Variants in TRHDE observed in about 807,000 individuals in gnomAD.
The protein encoded by TRHDE is thyrotropin releasing hormone degrading enzyme, also known as thyrotropin-releasing hormone-degrading ectoenzyme.
Under a neutral mutation model 125.7 loss-of-function variants are expected in TRHDE, and 72 were observed. The observed-to-expected ratio is 0.57, with a 90% CI of 0.47 to 0.70. TRHDE has a LOEUF of 0.70. Ranked by LOEUF, TRHDE falls within the 30% of genes least tolerant of loss-of-function variation. The pLI is 0.00. For synonymous variants in TRHDE, 509 were observed against 509.1 expected, an observed-to-expected ratio of 1.00 and a Z score of 0.00; for missense variants, 1,110 against 1,327.1, an observed-to-expected ratio of 0.84 and a Z score of 2.54.
intron 5 of TRHDE, among the ~76,000 whole-genome samples, chr12:72,475,711 C>T (rs1457394829): frequency 6.6e-6 from 1 of 151,994 alleles, no homozygotes; most frequent in Non-Finnish European, 1.5e-5. Context: ...AGTATAAAAA[C>T]CTTGAGGTGA....
At chr12:72,287,737 T>C (rs1879944038) in intron 2 of TRHDE, among the ~76,000 whole-genome samples, 1 of 152,146 alleles carries the variant, frequency 6.6e-6, no homozygotes, top group Admixed American at 6.6e-5. Context: ...CTGCATTAAA[T>C]TTATAATAAA....
At chr12:72,539,875 C>G (rs182401125) in intron 6 of TRHDE, among the ~76,000 whole-genome samples, 1 of 151,736 alleles carries the variant, frequency 6.6e-6, no homozygotes, top group African/African-American at 2.4e-5. Context: ...TAAAGCTACT[C>G]GGGCTTCCTA....
intron 5 of TRHDE, among the ~76,000 whole-genome samples, chr12:72,497,385 T>C (rs1468047172): frequency 6.6e-6 from 1 of 152,166 alleles, no homozygotes; most frequent in African/African-American, 2.4e-5. Context: ...GTATGTTTAG[T>C]AAATTTTAAT....
intron 2 of TRHDE, chr12:72,258,128 T>C (rs1431807222): frequency 1.3e-5 from 2 of 152,110 alleles, no homozygotes; most frequent in East Asian, 3.9e-4. Context: ...CAAATTACTT[T>C]ATGTTCAGAA....
chr12:72,324,863 T>C (rs1385664594), intron 2 of TRHDE, among the ~76,000 whole-genome samples: 1 of 152,182 alleles, frequency 6.6e-6, no homozygotes, highest in Non-Finnish European at 1.5e-5. Context: ...AATGGATAAC[T>C]ATACTTAAAT....
chr12:72,349,555 C>G (rs111445891), intron 2 of TRHDE, among the ~76,000 whole-genome samples: 16,249 of 151,140 alleles, frequency 0.11, 984 homozygotes, highest in Admixed American at 0.16. Flanking sequence ...TTTTTTTGGG[C>G]GGGGGGGTGG....
At chr12:72,609,210 T>C (rs543471749) in intron 12 of TRHDE, among the ~76,000 whole-genome samples, 1 of 152,326 alleles carries the variant, frequency 6.6e-6, no homozygotes, top group South Asian at 2.1e-4. Context: ...ATAATTCTAA[T>C]TTGGGTATTC....
At chr12:72,244,638 A>C (rs559431589) in intron 2 of TRHDE, among the ~76,000 whole-genome samples, 35 of 152,204 alleles carry the variant, frequency 2.3e-4, no homozygotes, top group Non-Finnish European at 4.4e-4. Flanking sequence ...GTCCCCATAA[A>C]ATTTTTAAAA....
At chr12:72,525,628 TGTGTGTGAGAGAGAGA>T (rs1181502991) in intron 6 of TRHDE, among the ~76,000 whole-genome samples, 2 of 148,590 alleles carry the variant, frequency 1.3e-5, no homozygotes, top group Non-Finnish European at 1.5e-5. Context: ...TGTGTGTGTG[TGTGTGTGAGAGAGAGA>T]GAGAGAGAGA....
At position 72,110,714 on chromosome 12, in the gene TRHDE, T is replaced by C. The variant is rs375357536; in HGVS notation, n.279+4962T>C. On this transcript the variant is annotated intron_variant and non_coding_transcript_variant, in intron 2 of 4. Coordinates refer to the TRHDE transcript ENST00000548156. ...TGCCATGATTGCTGTTCTACAATGA[T>C]TTATTCCATATGAACTGTGGGTAGG... Among the ~76,000 whole-genome samples, 583 of 152,262 alleles carry C rather than the reference T, an allele frequency of 3.8e-3. 2 individuals carry two copies. The highest frequency in any genetic ancestry group is 6.8e-3 in the Non-Finnish European group (459 of 67,994).
At chr12:72,659,775 T>C (rs1427774859) in intron 18 of TRHDE, among the ~76,000 whole-genome samples, 2 of 152,130 alleles carry the variant, frequency 1.3e-5, no homozygotes, top group African/African-American at 4.8e-5. Context: ...TGCAACATTT[T>C]AAAATAAAAT....
chr12:72,488,496 C>G lies in TRHDE; in HGVS notation c.1585-11002C>G, dbSNP rs73346570. On this transcript the variant is annotated intron_variant, in intron 5 of 18. Coordinates refer to ENST00000261180, the MANE Select transcript of TRHDE (RefSeq NM_013381.3). ...GTGTATGCACCCAACACTGGAGCAC[C>G]TAAATATGTAAAGCATGTATTAATG... Among the ~76,000 whole-genome samples, 788 of 152,026 alleles carry G rather than the reference C, an allele frequency of 5.2e-3. 5 individuals carry two copies. The highest frequency in any genetic ancestry group is 0.018 in the African/African-American group (747 of 41,498).
intron 3 of TRHDE, among the ~76,000 whole-genome samples, chr12:72,396,913 G>T (rs1048042159): frequency 2.0e-5 from 3 of 152,016 alleles, no homozygotes; most frequent in Non-Finnish European, 4.4e-5. Flanking sequence ...TGGACTCCTT[G>T]GTCTCTTCTT....
chr12:72,391,057 T>C (rs1163101027), intron 3 of TRHDE, among the ~76,000 whole-genome samples: 2 of 152,124 alleles, frequency 1.3e-5, no homozygotes, highest in African/African-American at 4.8e-5. Context: ...ATGAAAGTGA[T>C]ATAATCATTT....
chr12:72,460,581 A>G (rs553079369), intron 3 of TRHDE, among the ~76,000 whole-genome samples: 1 of 152,318 alleles, frequency 6.6e-6, no homozygotes, highest in Admixed American at 6.5e-5. Flanking sequence ...GGAATAAATG[A>G]AAATACACTG....
In TRHDE at chr12:72,593,322, A is replaced by G. The variant is rs926574447; in HGVS notation, c.2321+17780A>G. Among the ~76,000 whole-genome samples the G allele has an allele frequency of 2.6e-5, 4 of 152,330 alleles. No individual in the cohort carries two copies. The East Asian group carries it at 7.7e-4, about 29-fold the overall frequency. On this transcript the variant is annotated intron_variant, in intron 12 of 18. Transcript: ENST00000261180. ...CAGAAAGGGTAAACTTGTTTGCACAACTTTCAATCTATTATTAAATGTAAG... is the reference window on the plus strand; with the variant it reads ...CAGAAAGGGTAAACTTGTTTGCACAGCTTTCAATCTATTATTAAATGTAAG...
At chr12:72,250,837 G>GAGATATATATAT (rs1555170853) in intron 2 of TRHDE, among the ~76,000 whole-genome samples, 1 of 117,932 alleles carries the variant, frequency 8.5e-6, no homozygotes, top group Non-Finnish European at 1.8e-5. Context: ...ATGACTTACA[G>GAGATATATATAT]ATATATATAT....
chr12:72,440,735 C>G (rs747571264), intron 3 of TRHDE, among the ~76,000 whole-genome samples: 3 of 151,742 alleles, frequency 2.0e-5, no homozygotes, highest in Non-Finnish European at 2.9e-5. Context: ...TACAAACCCC[C>G]CTGCTGTATT....
chr12:72,164,473 A>G (rs925061762), intron 2 of TRHDE, among the ~76,000 whole-genome samples: 6 of 152,192 alleles, frequency 3.9e-5, no homozygotes, highest in South Asian at 2.1e-4. Context: ...AGGGTCTTAC[A>G]TGCAGGGGAG....
Sources: gnomAD v4.1 joint callset for allele counts (sites outside exome capture counted in the v4.1 genomes callset) on GRCh38, gnomAD v4.1.1 for gene constraint, MANE v1.5 for transcripts, NCBI Gene and HGNC (gene_info 2026-07-23, HGNC 2026-07-21) for gene names.